PIEZO2: variants seen among roughly 807,000 people sequenced by gnomAD.
PIEZO2 encodes the protein piezo type mechanosensitive ion channel component 2.
A neutral mutation model predicts 337.3 loss-of-function variants in PIEZO2; 172 were observed. The ratio of observed to expected loss-of-function variants is 0.51; its 90% CI spans 0.45 to 0.58. The LOEUF is 0.58. Among genes scored for constraint, PIEZO2 ranks in the 20% least tolerant of loss-of-function variants. The probability of loss-of-function intolerance (pLI) is 0.00; values close to 1 mark genes in which losing one functional copy is unlikely to be tolerated. For synonymous variants in PIEZO2, 1,251 were observed against 1,228.5 expected, an observed-to-expected ratio of 1.02 and a Z score of -0.38; for missense variants, 3,028 against 3,391.3, an observed-to-expected ratio of 0.89 and a Z score of 2.66.
intron 2 of PIEZO2, among the ~76,000 whole-genome samples, chr18:10,998,986 C>T (rs1421732619): frequency 6.6e-6 from 1 of 151,800 alleles, no homozygotes; most frequent in African/African-American, 2.4e-5. Context: ...GAGGCTATTT[C>T]CTTAGCCAAC....
At chr18:11,086,884 G>A (rs777055759) in intron 1 of PIEZO2, among the ~76,000 whole-genome samples, 13 of 152,088 alleles carry the variant, frequency 8.5e-5, no homozygotes, top group Non-Finnish European at 1.5e-4. Flanking sequence ...TGTCATGTAT[G>A]TTTTAGATTA....
Position 10,726,619 on chromosome 18 carries a change from G to A in PIEZO2, c.5029+4788C>T. 2 of 709,606 alleles carry A rather than the reference G, an allele frequency of 2.8e-6. No individual in the cohort carries two copies. The highest frequency in any genetic ancestry group is 1.8e-6 in the Non-Finnish European group (1 of 567,160). 44.0% of individuals were successfully genotyped at this position (709,606 alleles called of 1,614,324 possible). On this transcript the variant is annotated intron_variant, in intron 36 of 55. Transcript: ENST00000674853. The surrounding 1 kb of genome is among the most constrained non-coding windows in gnomAD (Gnocchi z 5.9). ...GGCGCGCTACGTGCGGGACGCCGAC[G>A]TGCGCTGGGAGTACTGCGCGCGCGC...
chr18:11,071,940 C>T (rs746307532), intron 1 of PIEZO2, among the ~76,000 whole-genome samples: 18 of 152,128 alleles, frequency 1.2e-4, no homozygotes, highest in Non-Finnish European at 2.2e-4. Flanking sequence ...GTTTCCCACC[C>T]GTGCCCATCC....
Position 11,131,825 on chromosome 18 carries a change from G to A in PIEZO2, c.64+16700C>T, listed in dbSNP as rs1037431547. ...ACCAATGGGTGACCTCAGTGGAGGAGGAGTTTAATAATGAAGCGGATAGGA... is the reference window on the plus strand; with the variant it reads ...ACCAATGGGTGACCTCAGTGGAGGAAGAGTTTAATAATGAAGCGGATAGGA... On this transcript the variant is annotated intron_variant, in intron 1 of 55. Coordinates refer to ENST00000674853, the MANE Select transcript of PIEZO2 (RefSeq NM_001378183.1). This position sits in a 1 kb window ranked among gnomAD's most constrained non-coding sequence, Gnocchi z 5.3. 9.2e-5 allele frequency among the ~76,000 whole-genome samples: 14 copies of A among 152,170 alleles called. No individual in the cohort carries two copies. The highest frequency in any genetic ancestry group is 9.2e-4 in the Admixed American group (14 of 15,282).
At chr18:11,004,261 G>A (rs1293347122) in intron 2 of PIEZO2, among the ~76,000 whole-genome samples, 1 of 152,188 alleles carries the variant, frequency 6.6e-6, no homozygotes, top group Non-Finnish European at 1.5e-5. Flanking sequence ...GAGAGGAACA[G>A]AAGAGAGAGG....
chr18:10,773,603 G>A lies in PIEZO2; in HGVS notation c.2594C>T (p.Pro865Leu), dbSNP rs529806981. ...NELAHPEGSLPDLTMMHLTAS... is the reference protein window; with the variant it reads ...NELAHPEGSLLDLTMMHLTAS... ...AGTCAGATGCATCATGGTGAGGTCC[G>A]GGAGGCTTCCTTCCGGGTGGGCCAG... The change falls in exon 20 of 56, where the codon CCG becomes CTG. Residue 865 changes from proline (P) to leucine (L), a missense_variant. Around this residue, in one of 5 missense-constraint regions of PIEZO2, gnomAD observed 1,925 missense variants for 2,051.9 expected, o/e 0.94. Coordinates refer to ENST00000674853, the MANE Select transcript of PIEZO2 (RefSeq NM_001378183.1). This position sits in a 1 kb window ranked among gnomAD's most constrained non-coding sequence, Gnocchi z 5.3. 4.1e-5 allele frequency: 63 copies of A among 1,537,286 alleles called. No homozygotes were observed. Among genetic ancestry groups the A allele is most frequent in the African/African-American group, 2.7e-4 (20 of 73,134 alleles).
intron 2 of PIEZO2, among the ~76,000 whole-genome samples, chr18:10,989,866 G>C (rs1205685296): frequency 6.6e-6 from 1 of 152,136 alleles, no homozygotes; most frequent in Non-Finnish European, 1.5e-5. Flanking sequence ...TGGTAGTAGA[G>C]TGAAATTGAT....
At chr18:10,719,011 A>T (rs542696387) in intron 36 of PIEZO2, among the ~76,000 whole-genome samples, 5,293 of 148,702 alleles carry the variant, frequency 0.036, 327 homozygotes, top group African/African-American at 0.13. Flanking sequence ...ATAAATAAAT[A>T]AATAAATAAA....
chr18:10,936,189 G>A (rs934968775), intron 3 of PIEZO2, among the ~76,000 whole-genome samples: 4 of 152,134 alleles, frequency 2.6e-5, no homozygotes, highest in Non-Finnish European at 4.4e-5. Context: ...GCTTTCTTTC[G>A]CAAAGCATGA....
chr18:10,705,769 C>A (rs1270934411), intron 40 of PIEZO2, 23 bp from the exon 41 acceptor site: 2 of 1,499,496 alleles, frequency 1.3e-6, no homozygotes, highest in Non-Finnish European at 1.8e-6. Context: ...AGCGTGGGCA[C>A]AGAGCCCATG....
chr18:10,985,576 T>C (rs946155626), intron 2 of PIEZO2, among the ~76,000 whole-genome samples: 2 of 152,106 alleles, frequency 1.3e-5, no homozygotes, highest in African/African-American at 4.8e-5. Flanking sequence ...GCATGGTGTT[T>C]TAATTACTAT....
Position 11,145,613 on chromosome 18 carries a change from G to A in PIEZO2, c.64+2912C>T, listed in dbSNP as rs539851248. Among the ~76,000 whole-genome samples, 3 of 152,284 alleles carry A rather than the reference G, an allele frequency of 2.0e-5. No individual in the cohort carries two copies. The East Asian group carries it at 5.8e-4, about 29-fold the overall frequency. The stretch of plus-strand genomic sequence containing the variant: ...CAGACCTTTGCACTCACTATGCGCA[G>A]GAGAGAAACCTGAATATTTGACTTA... On this transcript the variant is annotated intron_variant, in intron 1 of 55. Coordinates refer to ENST00000674853, the MANE Select transcript of PIEZO2 (RefSeq NM_001378183.1).
intron 49 of PIEZO2, among the ~76,000 whole-genome samples, chr18:10,687,576 A>T (rs1460528317): frequency 6.6e-6 from 1 of 152,210 alleles, no homozygotes; most frequent in African/African-American, 2.4e-5. Flanking sequence ...CCTTTGCAAC[A>T]TGACTTTGCC....
chr18:10,791,119 GCTGT>G (rs1448761441), intron 14 of PIEZO2, 78 bp downstream of exon 14: 40 of 1,318,790 alleles, frequency 3.0e-5, no homozygotes, highest in Non-Finnish European at 3.0e-6. Flanking sequence ...TTATTCTGAA[GCTGT>G]CTGATGTATT....
At chr18:10,845,922 C>A (rs542256555) in intron 7 of PIEZO2, among the ~76,000 whole-genome samples, 1 of 152,312 alleles carries the variant, frequency 6.6e-6, no homozygotes, top group South Asian at 2.1e-4. Flanking sequence ...AGAACCATGG[C>A]TACTTATACC....
At chr18:10,777,615 T>G (rs777902584) in intron 18 of PIEZO2, among the ~76,000 whole-genome samples, 1 of 152,222 alleles carries the variant, frequency 6.6e-6, no homozygotes, top group Non-Finnish European at 1.5e-5. Context: ...AAAAGCTGCA[T>G]AGTAAACTAC....
chr18:11,001,614 G>T lies in PIEZO2; in HGVS notation c.161-21954C>A, dbSNP rs542726812. Among the ~76,000 whole-genome samples, 1 of 151,916 alleles carries T rather than the reference G, an allele frequency of 6.6e-6. No individual in the cohort carries two copies. The highest frequency in any genetic ancestry group is 2.4e-5 in the African/African-American group (1 of 41,354). On this transcript the variant is annotated intron_variant, in intron 2 of 55. Transcript: ENST00000674853. The surrounding 1 kb of genome is among the most constrained non-coding windows in gnomAD (Gnocchi z 5.3). ...TTTGTCAAGCAGGGTGTGGTGGCTC[G>T]TGCCTGTAATCTCAGCACTTTGGGA...
At chr18:10,835,601 T>C (rs2040984960) in intron 7 of PIEZO2, among the ~76,000 whole-genome samples, 2 of 151,588 alleles carry the variant, frequency 1.3e-5, no homozygotes, top group Admixed American at 1.3e-4. Flanking sequence ...TGGAGTGCAG[T>C]GGCGCGATCT....
chr18:11,088,637 G>T (rs2038980579), intron 1 of PIEZO2, among the ~76,000 whole-genome samples: 2 of 152,216 alleles, frequency 1.3e-5, no homozygotes, highest in Admixed American at 1.3e-4. Context: ...GGACTGAAGA[G>T]AGTGTAATGA....
Sources: allele counts gnomAD v4.1 joint callset (sites outside exome capture counted in the v4.1 genomes callset), GRCh38; gene constraint gnomAD v4.1.1; regional missense constraint gnomAD v4.1.1; non-coding constraint Gnocchi (gnomAD v3.1); transcripts MANE v1.5; gene names NCBI Gene and HGNC (gene_info 2026-07-23, HGNC 2026-07-21).